Variants in PPP2R2C observed in about 807,000 individuals in gnomAD.
The protein encoded by PPP2R2C is protein phosphatase 2 regulatory subunit Bgamma, also known as protein phosphatase 2, regulatory subunit B, gamma.
In PPP2R2C, 10 loss-of-function variants were observed where a neutral mutation model predicts 45.3. The ratio of observed to expected loss-of-function variants is 0.22; its 90% confidence interval spans 0.14 to 0.37. The LOEUF (loss-of-function observed/expected upper bound fraction) is 0.37, where lower values mean the gene tolerates loss of function less well. Ranked by LOEUF, PPP2R2C falls within the 10% of genes least tolerant of loss-of-function variation. The probability of loss-of-function intolerance (pLI) is 1.00; values close to 1 mark genes in which losing one functional copy is unlikely to be tolerated. For missense variants in PPP2R2C, 308 were observed against 619.7 expected, an observed-to-expected ratio of 0.50 and a Z score of 5.34; for synonymous variants, 257 against 245.4, an observed-to-expected ratio of 1.05 and a Z score of -0.44.
chr4:6,511,641 GA>G (rs1723519270), intron 2 of PPP2R2C, among the ~76,000 whole-genome samples: 1 of 80,314 alleles, frequency 1.2e-5, no homozygotes, highest in African/African-American at 5.4e-5. Context: ...TGGTGGTGTT[GA>G]TGGTGGTGGT....
intron 4 of PPP2R2C, 99 bp downstream of exon 4, chr4:6,375,720 G>C: frequency 9.5e-7 from 1 of 1,053,846 alleles, no homozygotes; most frequent in Non-Finnish European, 1.4e-6. Context: ...ACCAGGGTCT[G>C]CACCTGACTC....
At chr4:6,502,084 G>A (rs532876260) in intron 2 of PPP2R2C, among the ~76,000 whole-genome samples, 2 of 152,346 alleles carry the variant, frequency 1.3e-5, no homozygotes, top group Admixed American at 1.3e-4. Context: ...GCGATCTGGA[G>A]CAGGATAGGG....
chr4:6,520,644 C>CAA (rs535855450), intron 2 of PPP2R2C, among the ~76,000 whole-genome samples: 313 of 152,328 alleles, frequency 2.1e-3, no homozygotes, highest in Non-Finnish European at 3.6e-3. Context: ...CCACACTCCC[C>CAA]AACAGCAGCC....
At chr4:6,456,311 C>A (rs952896779) in intron 1 of PPP2R2C, among the ~76,000 whole-genome samples, 9 of 137,810 alleles carry the variant, frequency 6.5e-5, no homozygotes, top group Middle Eastern at 3.3e-3. Context: ...GTTATTTCCC[C>A]CCCCCCCCTT....
chr4:6,392,358 C>T (rs1716704632), intron 1 of PPP2R2C, among the ~76,000 whole-genome samples: 1 of 137,902 alleles, frequency 7.3e-6, no homozygotes, highest in African/African-American at 2.7e-5. Context: ...AGCCAATAAG[C>T]AAATTTTCAT....
intron 2 of PPP2R2C, among the ~76,000 whole-genome samples, chr4:6,526,236 C>G (rs1724205956): frequency 6.6e-6 from 1 of 152,216 alleles, no homozygotes. Flanking sequence ...CTTCCTATAG[C>G]CTGTTGAATA....
intron 5 of PPP2R2C, among the ~76,000 whole-genome samples, chr4:6,352,262 G>A (rs1712635522): frequency 6.6e-6 from 1 of 152,124 alleles, no homozygotes; most frequent in Admixed American, 6.5e-5. Context: ...TCTGGTCTTG[G>A]CTGTTACTGG....
At chr4:6,423,237 T>C (rs943955505) in intron 1 of PPP2R2C, among the ~76,000 whole-genome samples, 1 of 152,244 alleles carries the variant, frequency 6.6e-6, no homozygotes, top group African/African-American at 2.4e-5. Context: ...ACAGTCTCAC[T>C]CTGTCACCCA....
At chr4:6,373,691 G>T (rs1715046912) in intron 4 of PPP2R2C, among the ~76,000 whole-genome samples, 1 of 152,250 alleles carries the variant, frequency 6.6e-6, no homozygotes, top group Admixed American at 6.5e-5. Flanking sequence ...GATGGGAGGT[G>T]ACAGCCTCGG....
chr4:6,384,476 A>T, intron 1 of PPP2R2C: 1 of 981,472 alleles, frequency 1.0e-6, no homozygotes, highest in Non-Finnish European at 1.2e-6. Context: ...TCTATAATGA[A>T]GTTACATCAT....
At chr4:6,469,077 C>CAA (rs142008829) in intron 1 of PPP2R2C, among the ~76,000 whole-genome samples, 746 of 56,194 alleles carry the variant, frequency 0.013, 42 homozygotes, top group African/African-American at 0.048. Flanking sequence ...GCCCTGCCAC[C>CAA]AAAAAAAAAA....
chr4:6,427,669 A>G (rs1401813204), intron 1 of PPP2R2C, among the ~76,000 whole-genome samples: 1 of 152,190 alleles, frequency 6.6e-6, no homozygotes, highest in Non-Finnish European at 1.5e-5. Context: ...AGGACTCATC[A>G]GTATGCTCGG....
intron 1 of PPP2R2C, among the ~76,000 whole-genome samples, chr4:6,549,108 G>A (rs1290020630): frequency 6.6e-6 from 1 of 152,202 alleles, no homozygotes; most frequent in Non-Finnish European, 1.5e-5. Flanking sequence ...CTGGAGCTAA[G>A]CCACTGGTCT....
chr4:6,444,151 A>C (rs1450103799), intron 1 of PPP2R2C, among the ~76,000 whole-genome samples: 2 of 152,078 alleles, frequency 1.3e-5, no homozygotes, highest in African/African-American at 4.8e-5. Flanking sequence ...AGAATCGACA[A>C]GGATTGATGG....
In PPP2R2C at chr4:6,333,547, T is replaced by C. The variant is rs1372712987; in HGVS notation, c.960+15A>G. The stretch of plus-strand genomic sequence containing the variant: ...AAAAGACCCGGGATTGGGGGTCTCC[T>C]GCTGTGGTGCCCACCTGGTAGGTCT... On this transcript the variant is annotated intron_variant, in intron 7 of 8. Coordinates refer to ENST00000382599, the MANE Select transcript of PPP2R2C (RefSeq NM_020416.4). 1 of 1,611,166 alleles carries C rather than the reference T, an allele frequency of 6.2e-7. No individual in the cohort carries two copies. Among genetic ancestry groups the C allele is most frequent in the Non-Finnish European group, 8.5e-7 (1 of 1,177,776 alleles).
At position 6,378,198 on chromosome 4, in the gene PPP2R2C, G is replaced by A; in HGVS notation, c.334+209C>T. On this transcript the variant is annotated intron_variant, in intron 3 of 8. Transcript: ENST00000382599. This position sits in a 1 kb window ranked among gnomAD's most constrained non-coding sequence, Gnocchi z 5.2. ...GGGATTTACATGCTGCTCAAAAAGG[G>A]GGGCAGCCCTGTGTCCAGACACAGG... 5 of 595,438 alleles carry A rather than the reference G, an allele frequency of 8.4e-6. No individual in the cohort carries two copies. Among genetic ancestry groups the A allele is most frequent in the Non-Finnish European group, 1.1e-5 (5 of 474,224 alleles). 36.9% of individuals were successfully genotyped at this position (595,438 alleles called of 1,614,324 possible).
At position 6,556,810 on chromosome 4, in the gene PPP2R2C, G is replaced by A. The variant is rs142462651; in HGVS notation, c.-59+6750C>T. On this transcript the variant is annotated intron_variant, in intron 1 of 9. Coordinates refer to the PPP2R2C transcript ENST00000506140. ...GGAGAATCTGCAAGCATCTCTCGGG[G>A]TGCCCCTGAGTTGGTTATTATCACA... Among the ~76,000 whole-genome samples, 225 of 152,170 alleles carry A rather than the reference G, an allele frequency of 1.5e-3. 1 individual carries two copies. The highest frequency in any genetic ancestry group is 5.1e-3 in the African/African-American group (212 of 41,516).
At chr4:6,384,092 A>G (rs560084834) in intron 1 of PPP2R2C, 1 of 985,426 alleles carries the variant, frequency 1.0e-6, no homozygotes, top group Non-Finnish European at 1.2e-6. Flanking sequence ...GAGTCAGAAC[A>G]GGGTCAGGTC....
intron 1 of PPP2R2C, chr4:6,414,023 G>A: frequency 6.5e-7 from 1 of 1,527,734 alleles, no homozygotes; most frequent in Non-Finnish European, 8.8e-7. Flanking sequence ...AGATCTATGT[G>A]GCCCAAATCT....
Sources: allele counts gnomAD v4.1 joint callset (sites outside exome capture counted in the v4.1 genomes callset), GRCh38; gene constraint gnomAD v4.1.1; non-coding constraint Gnocchi (gnomAD v3.1); transcripts MANE v1.5; gene names NCBI Gene and HGNC (gene_info 2026-07-23, HGNC 2026-07-21).